The following ADCY2 variants were observed in gnomAD, a reference collection of about 807,000 sequenced individuals.
ADCY2 encodes the protein adenylate cyclase type 2.
A neutral mutation model predicts 125.2 loss-of-function variants in ADCY2; 31 were observed. That is an observed-to-expected ratio of 0.25 (90% confidence interval 0.19 to 0.33). The LOEUF (loss-of-function observed/expected upper bound fraction) is 0.33. Ranked by LOEUF, ADCY2 falls within the 10% of genes least tolerant of loss-of-function variation. The pLI, the probability that ADCY2 is intolerant of heterozygous loss-of-function variation, is 1.00. For missense variants in ADCY2, 904 were observed against 1,418.2 expected, an observed-to-expected ratio of 0.64 and a Z score of 5.82; for synonymous variants, 512 against 548.4, an observed-to-expected ratio of 0.93 and a Z score of 0.93.
intron 22 of ADCY2, among the ~76,000 whole-genome samples, chr5:7,808,482 C>T (rs888610110): frequency 5.9e-5 from 9 of 152,224 alleles, no homozygotes; most frequent in African/African-American, 1.9e-4. Context: ...TACTGAATGG[C>T]TCCTGAGCCC....
chr5:7,514,559 A>G (rs903927900), intron 2 of ADCY2, among the ~76,000 whole-genome samples: 3 of 152,196 alleles, frequency 2.0e-5, no homozygotes, highest in Admixed American at 6.5e-5. Context: ...GTGTTCTCCA[A>G]GAAACATATA....
intron 22 of ADCY2, among the ~76,000 whole-genome samples, chr5:7,812,153 CTAATA>C (rs1744964037): frequency 1.3e-5 from 2 of 152,256 alleles, no homozygotes; most frequent in South Asian, 4.2e-4. Flanking sequence ...TCCATTAAAA[CTAATA>C]GCCCCAGTTC....
intron 24 of ADCY2, among the ~76,000 whole-genome samples, chr5:7,820,925 T>C (rs1401439709): frequency 2.0e-5 from 3 of 152,216 alleles, no homozygotes; most frequent in African/African-American, 4.8e-5. Context: ...AAACAAATGA[T>C]CCAGCAGCAA....
chr5:7,709,422 G>T lies in ADCY2; in HGVS notation c.1578+35G>T. The T allele has an allele frequency of 6.6e-7, 1 of 1,514,900 alleles. No individual in the cohort carries two copies. Among genetic ancestry groups the T allele is most frequent in the African/African-American group, 1.4e-5 (1 of 70,598 alleles). The allele number at this position is 1,514,900 out of a possible 1,614,324, so 93.8% of individuals were successfully genotyped here. A position where few individuals can be genotyped will look rare whatever the true frequency, so the allele number is the denominator to read the frequency against. ...CCCCTGCCTCCAATGCCTGAGCACT[G>T]GGGGAAAGCTAACTTCCCAAAACCA... On this transcript the variant is annotated intron_variant, in intron 10 of 24. Transcript: ENST00000338316. This position sits in a 1 kb window ranked among gnomAD's most constrained non-coding sequence, Gnocchi z 4.4.
intron 19 of ADCY2, among the ~76,000 whole-genome samples, chr5:7,788,055 TA>T (rs1274636060): frequency 9.9e-5 from 14 of 142,000 alleles, no homozygotes; most frequent in African/African-American, 3.4e-4. Context: ...TTTTTTTTTT[TA>T]AATCCATTCT....
intron 3 of ADCY2, among the ~76,000 whole-genome samples, chr5:7,529,586 A>T (rs1307717431): frequency 6.6e-6 from 1 of 152,140 alleles, no homozygotes; most frequent in Non-Finnish European, 1.5e-5. Flanking sequence ...AAGAGCAAGC[A>T]TTTTGGCCTC....
intron 3 of ADCY2, chr5:7,522,254 A>G (rs1319611464): frequency 2.6e-5 from 4 of 152,236 alleles, no homozygotes; most frequent in African/African-American, 9.6e-5. Flanking sequence ...GAACACATCC[A>G]TCACCACCCA....
At chr5:7,455,245 C>T (rs1006498960) in intron 2 of ADCY2, among the ~76,000 whole-genome samples, 7 of 152,180 alleles carry the variant, frequency 4.6e-5, no homozygotes, top group African/African-American at 1.7e-4. Flanking sequence ...ACATTGCTGT[C>T]ACTGTTGATA....
At chr5:7,570,066 A>G (rs528710876) in intron 3 of ADCY2, among the ~76,000 whole-genome samples, 53 of 152,288 alleles carry the variant, frequency 3.5e-4, no homozygotes, top group African/African-American at 1.2e-3. Flanking sequence ...TTAAGGTCAC[A>G]CAATCACTAT....
intron 3 of ADCY2, 75 bp from the exon 4 acceptor site, chr5:7,626,092 A>C: frequency 1.3e-6 from 2 of 1,488,958 alleles, no homozygotes; most frequent in South Asian, 2.6e-5. Context: ...ACTGTTGCTA[A>C]TGTGCACTTT....
chr5:7,429,293 A>G (rs561125356), intron 2 of ADCY2, among the ~76,000 whole-genome samples: 3 of 152,368 alleles, frequency 2.0e-5, no homozygotes, highest in South Asian at 2.1e-4. Flanking sequence ...TTCAGAATAC[A>G]TGATGTAAAA....
intron 3 of ADCY2, among the ~76,000 whole-genome samples, chr5:7,625,136 T>C (rs1738079715): frequency 6.6e-6 from 1 of 152,256 alleles, no homozygotes; most frequent in South Asian, 2.1e-4. Flanking sequence ...GCCAAAGCTT[T>C]ATACATGTGG....
intron 4 of ADCY2, among the ~76,000 whole-genome samples, chr5:7,626,541 T>G (rs904076001): frequency 6.6e-5 from 10 of 152,126 alleles, no homozygotes; most frequent in African/African-American, 2.4e-4. Context: ...AGTCTCATGG[T>G]TCTACAGGCT....
rs755061264 is a variant in ADCY2 at position 7,520,865 on chromosome 5, C to T, written c.536C>T (p.Ala179Val). Residue 179 changes from alanine to valine, a missense_variant, in exon 3 of 25, where the codon GCA (alanine) becomes GTA (valine). This residue lies in a region of ADCY2 where 121 missense variants were observed against 161.5 expected (regional missense o/e 0.75). Transcript: ENST00000338316. ...ATCGTGCTTAGCGTCTGCCTGTCTG[C>T]AACACCGGGAGGCAAGGAGCACCTG... ...HTIVLSVCLS[A>V]TPGGKEHLVW... The T allele has an allele frequency of 6.2e-7, 1 of 1,614,204 alleles. No homozygotes were observed. The highest frequency in any genetic ancestry group is 8.5e-7 in the Non-Finnish European group (1 of 1,180,040).
At chr5:7,426,792 G>A (rs1260818864) in intron 2 of ADCY2, among the ~76,000 whole-genome samples, 1 of 152,116 alleles carries the variant, frequency 6.6e-6, no homozygotes, top group Non-Finnish European at 1.5e-5. Context: ...TCCACCCTCT[G>A]TAACGGCTTT....
intron 14 of ADCY2, among the ~76,000 whole-genome samples, chr5:7,740,271 T>G (rs1341291259): frequency 6.6e-6 from 1 of 152,050 alleles, no homozygotes; most frequent in Non-Finnish European, 1.5e-5. Context: ...AAAAAGATTT[T>G]TATTATGATT....
At chr5:7,544,216 GC>G (rs1735084263) in intron 3 of ADCY2, among the ~76,000 whole-genome samples, 1 of 152,092 alleles carries the variant, frequency 6.6e-6, no homozygotes, top group Admixed American at 6.5e-5. Flanking sequence ...ACCAGCTGAG[GC>G]CAGCAGGCAG....
chr5:7,625,682 T>C (rs1428530), intron 3 of ADCY2, among the ~76,000 whole-genome samples: 131,545 of 152,204 alleles, frequency 0.86, 57,360 homozygotes, highest in South Asian at 0.93. Flanking sequence ...ACAATAATGC[T>C]GCATAACAAC....
In ADCY2 at chr5:7,709,343, C is replaced by T; in HGVS notation, c.1534C>T (p.His512Tyr). 6.2e-7 allele frequency: 1 copy of T among 1,612,914 alleles called. No homozygotes were observed. Among genetic ancestry groups the T allele is most frequent in the Non-Finnish European group, 8.5e-7 (1 of 1,179,466 alleles). The change falls in exon 10 of 25, where the codon CAC becomes TAC. Residue 512 changes from histidine (H) to tyrosine (Y), a missense_variant. Transcript: ENST00000338316. This position sits in a 1 kb window ranked among gnomAD's most constrained non-coding sequence, Gnocchi z 4.4. ...GAAKPFAHLH[H>Y]RDSMTTENGK... is the part of the protein sequence containing the mutation. ...AGCCAAGCCCTTTGCACACCTACAT[C>T]ACAGGGACAGCATGACCACAGAGAA...
Sources: allele counts gnomAD v4.1 joint callset (sites outside exome capture counted in the v4.1 genomes callset), GRCh38; gene constraint gnomAD v4.1.1; regional missense constraint gnomAD v4.1.1; non-coding constraint Gnocchi (gnomAD v3.1); transcripts MANE v1.5; gene names NCBI Gene and HGNC (gene_info 2026-07-23, HGNC 2026-07-21).